Variants in DNAH8 observed in about 807,000 individuals in gnomAD.
The protein encoded by DNAH8 is dynein axonemal heavy chain 8, also known as axonemal beta dynein heavy chain 8.
A neutral mutation model predicts 562.1 loss-of-function variants in DNAH8; 382 were observed. That is an observed-to-expected ratio of 0.68 (90% CI 0.63 to 0.74). The LOEUF is 0.74. Ranked by LOEUF, DNAH8 falls within the 30% of genes least tolerant of loss-of-function variation. The probability of loss-of-function intolerance (pLI) is 0.00; values close to 1 mark genes in which losing one functional copy is unlikely to be tolerated. For synonymous variants in DNAH8, 1,881 were observed against 1,919.4 expected (o/e 0.98, Z 0.52); for missense variants, 5,203 against 5,620.4 (o/e 0.93, Z 2.37).
Position 38,723,102 on chromosome 6 carries a change from C to A in DNAH8, c.293C>A (p.Ser98Ter). 6.2e-7 allele frequency: 1 copy of A among 1,612,892 alleles called. No individual in the cohort carries two copies. The highest frequency in any genetic ancestry group is 1.3e-5 in the African/African-American group (1 of 75,054). Residue 98 changes from serine (S) to a stop codon, truncating the protein, a stop_gained, in exon 2 of 93, where the codon TCG (serine) becomes TAG (stop). Coordinates refer to ENST00000327475, the MANE Select transcript of DNAH8 (RefSeq NM_001206927.2). LOFTEE classifies it high-confidence loss of function. ...CCGCGACCGGTTCAGTCAGTGATTT[C>A]GGAAGTGCTGTCCTTGCCGTCTTCC... is the stretch of plus-strand genomic sequence containing the variant. Reference protein sequence around the residue: ...LAPRPVQSVISEVLSLPSSRR... With the variant: ...LAPRPVQSVI
In DNAH8 at chr6:38,790,304, A is replaced by C. The variant is rs778343790; in HGVS notation, c.2680A>C (p.Arg894=). The C allele has an allele frequency of 4.4e-6, 7 of 1,604,020 alleles. No individual in the cohort carries two copies. In the African/African-American group the frequency reaches 9.4e-5, roughly 22 times the overall value. Residue 894 remains arginine (R), a synonymous_variant, in exon 20 of 93, where the codon AGG becomes CGG. Transcript: ENST00000327475. The part of the protein sequence containing the change: ...PKMKKVESVL[R]QGLTVLTWSS... ...CCGTTTCTAGGTGGAATCTGTGTTG[A>C]GGCAAGGACTCACAGTGTTAACATG...
intron 47 of DNAH8, among the ~76,000 whole-genome samples, chr6:38,867,231 ATGTGTG>A (rs70981595): frequency 2.0e-5 from 3 of 148,322 alleles, no homozygotes; most frequent in African/African-American, 5.0e-5. Flanking sequence ...GTGTGTGTAT[ATGTGTG>A]TGTGTGTGTG....
At chr6:38,956,594 C>A (rs1161858337) in intron 82 of DNAH8, among the ~76,000 whole-genome samples, 1 of 152,184 alleles carries the variant, frequency 6.6e-6, no homozygotes, top group East Asian at 1.9e-4. Flanking sequence ...GGAAGACAAA[C>A]CCATCTGGGC....
At position 38,742,544 on chromosome 6, in the gene DNAH8, C is replaced by T. The variant is rs578065989; in HGVS notation, c.1293+657C>T. 5.3e-5 allele frequency among the ~76,000 whole-genome samples: 8 copies of T among 152,226 alleles called. No individual in the cohort carries two copies. The South Asian group carries it at 1.2e-3, about 24-fold the overall frequency. ...CTCAAACTCCTGAGCTCAAGTGATC[C>T]GCCCACCTCAGCCTCCCAAAGTGCT... is the stretch of plus-strand genomic sequence containing the variant. On this transcript the variant is annotated intron_variant, in intron 8 of 92. Coordinates refer to ENST00000327475, the MANE Select transcript of DNAH8 (RefSeq NM_001206927.2).
intron 28 of DNAH8, among the ~76,000 whole-genome samples, chr6:38,823,912 T>G (rs1030427003): frequency 6.6e-5 from 10 of 152,150 alleles, no homozygotes; most frequent in African/African-American, 2.4e-4. Context: ...TGCACCAACC[T>G]AATATAAATG....
At chr6:38,845,293 C>A (rs1353029365) in intron 35 of DNAH8, among the ~76,000 whole-genome samples, 1 of 152,050 alleles carries the variant, frequency 6.6e-6, no homozygotes, top group Non-Finnish European at 1.5e-5. Flanking sequence ...GCCAAAAGTT[C>A]GAATTGAAAA....
At chr6:38,795,579 C>CA (rs1491167224) in intron 21 of DNAH8, among the ~76,000 whole-genome samples, 59 of 107,502 alleles carry the variant, frequency 5.5e-4, no homozygotes, top group Admixed American at 8.8e-4. Flanking sequence ...GACTGTGTCT[C>CA]AGAAAAAAAA....
chr6:38,951,285 A>G (rs750156840), intron 81 of DNAH8, 33 bp from the exon 82 acceptor site: 2 of 1,580,118 alleles, frequency 1.3e-6, no homozygotes, highest in Non-Finnish European at 1.7e-6. Flanking sequence ...GAACACGTTT[A>G]GTTTATTTCG....
Position 38,891,712 on chromosome 6 carries a change from C to T in DNAH8, c.8583+951C>T, listed in dbSNP as rs569049357. Among the ~76,000 whole-genome samples, 8 of 152,322 alleles carry T rather than the reference C, an allele frequency of 5.3e-5. No homozygotes were observed. In the South Asian group the frequency reaches 1.7e-3, roughly 32 times the overall value. On this transcript the variant is annotated intron_variant, in intron 58 of 92. Coordinates refer to ENST00000327475, the MANE Select transcript of DNAH8 (RefSeq NM_001206927.2). Reference sequence around the variant, plus strand: ...GGACTGAGCGTCTGAGATAGTTTTCCGTGGTAAGATACATGTGGTTTCCAA... The same window carrying T: ...GGACTGAGCGTCTGAGATAGTTTTCTGTGGTAAGATACATGTGGTTTCCAA...
At position 38,938,846 on chromosome 6, in the gene DNAH8, G is replaced by T. The variant is rs377043320; in HGVS notation, c.11865G>T (p.Glu3955Asp). ...AAAAGAGAATTACAAATATTATCGA[G>T]TACCTGACATATGAAGTTTTTACAT... is the stretch of plus-strand genomic sequence containing the variant. ...LPQKRITNII[E>D]YLTYEVFTYS... The change falls in exon 79 of 93, where the codon GAG (glutamate) becomes GAT (aspartate). Residue 3955 changes from glutamate to aspartate, a missense_variant. By Grantham distance (45) the Glu-to-Asp change is conservative. Transcript: ENST00000327475. 49 of 1,612,872 alleles carry T rather than the reference G, an allele frequency of 3.0e-5. No individual in the cohort carries two copies. In the African/African-American group the frequency reaches 5.5e-4, roughly 18 times the overall value.
intron 18 of DNAH8, among the ~76,000 whole-genome samples, chr6:38,788,498 A>G (rs993943301): frequency 6.6e-6 from 1 of 152,028 alleles, no homozygotes; most frequent in African/African-American, 2.4e-5. Context: ...GTGAGGTGGT[A>G]TCTCCTTTTG....
intron 92 of DNAH8, among the ~76,000 whole-genome samples, chr6:39,029,620 G>A (rs1280644347): frequency 3.3e-5 from 5 of 152,162 alleles, no homozygotes; most frequent in African/African-American, 7.2e-5. Context: ...CTCTGGGGGC[G>A]CTCTGACTCT....
rs111721487 is a variant in DNAH8, at chr6:38,764,261, A to G, written c.1617+2458A>G. 3.8e-3 allele frequency: 589 copies of G among 154,478 alleles called. 8 individuals carry two copies. Among genetic ancestry groups the G allele is most frequent in the African/African-American group, 0.014 (570 of 41,604 alleles). 9.6% of individuals were successfully genotyped at this position (154,478 alleles called of 1,614,324 possible). A position where few individuals can be genotyped will look rare whatever the true frequency, so the allele number is the denominator to read the frequency against. The stretch of plus-strand genomic sequence containing the variant: ...AGCATCTAAGAATGCAGAGAAATCA[A>G]CTGTCGAAGGTGGAAATGGCAGTAA... On this transcript the variant is annotated intron_variant, in intron 11 of 92. Coordinates refer to ENST00000327475, the MANE Select transcript of DNAH8 (RefSeq NM_001206927.2).
chr6:39,028,487 A>C (rs1302940812), intron 92 of DNAH8, among the ~76,000 whole-genome samples: 1 of 152,144 alleles, frequency 6.6e-6, no homozygotes, highest in African/African-American at 2.4e-5. Context: ...CATCTGTATA[A>C]GTATATATAT....
At chr6:39,001,404 T>C (rs1470087396) in intron 88 of DNAH8, among the ~76,000 whole-genome samples, 1 of 152,078 alleles carries the variant, frequency 6.6e-6, no homozygotes, top group Admixed American at 6.6e-5. Context: ...CTGAGAGCTA[T>C]GCGCACACAT....
At chr6:38,930,819 A>G (rs1782499111) in intron 75 of DNAH8, among the ~76,000 whole-genome samples, 1 of 152,166 alleles carries the variant, frequency 6.6e-6, no homozygotes, top group South Asian at 2.1e-4. Context: ...TAATTAACAC[A>G]TCCATCACCA....
intron 30 of DNAH8, among the ~76,000 whole-genome samples, chr6:38,831,784 A>G (rs1583129750): frequency 1.3e-5 from 2 of 152,244 alleles, no homozygotes. Context: ...TAGGGTTGTT[A>G]CAAAGATTAA....
At chr6:38,862,217 CT>C (rs1776690078) in intron 43 of DNAH8, 62 bp from the exon 44 acceptor site, 3 of 1,465,468 alleles carry the variant, frequency 2.0e-6, no homozygotes, top group Admixed American at 2.1e-5. Context: ...TGGATTTTTG[CT>C]TGCGCCATCC....
intron 57 of DNAH8, among the ~76,000 whole-genome samples, chr6:38,889,308 A>C (rs1779176174): frequency 6.6e-6 from 1 of 152,176 alleles, no homozygotes; most frequent in Non-Finnish European, 1.5e-5. Context: ...ACTGAATTTC[A>C]AAAATTTTTT....
Sources: gnomAD v4.1 joint callset for allele counts (sites outside exome capture counted in the v4.1 genomes callset) on GRCh38, gnomAD v4.1.1 for gene constraint, MANE v1.5 for transcripts, NCBI Gene and HGNC (gene_info 2026-07-23, HGNC 2026-07-21) for gene names.